Variants in SMC3 observed in about 807,000 individuals in gnomAD.
SMC3 encodes the protein structural maintenance of chromosomes protein 3.
Under a neutral mutation model 171.8 loss-of-function variants are expected in SMC3, and 20 were observed. The ratio of observed to expected loss-of-function variants is 0.12; its 90% CI spans 0.08 to 0.17. SMC3 has a LOEUF of 0.17. Ranked by LOEUF, SMC3 falls within the 10% of genes least tolerant of loss-of-function variation. The probability of loss-of-function intolerance (pLI) is 1.00; values close to 1 mark genes in which losing one functional copy is unlikely to be tolerated. For synonymous variants in SMC3, 464 were observed against 451.1 expected (o/e 1.03, Z -0.36); for missense variants, 543 against 1,420.4 (o/e 0.38, Z 9.93).
intron 13 of SMC3, among the ~76,000 whole-genome samples, chr10:110,587,689 GAA>G (rs34378467): frequency 0.16 from 15,277 of 94,266 alleles, 935 homozygotes; most frequent in East Asian, 0.35. Context: ...CCGTCTCAAA[GAA>G]AAAAAAAAAA....
intron 2 of SMC3, among the ~76,000 whole-genome samples, chr10:110,569,638 AAATC>A (rs1472914152): frequency 6.6e-6 from 1 of 152,220 alleles, no homozygotes; most frequent in Non-Finnish European, 1.5e-5. Flanking sequence ...ACGAAAAAAA[AAATC>A]CCAGTTGTGG....
intron 20 of SMC3, 120 bp downstream of exon 20, chr10:110,598,410 CT>C (rs36039586): frequency 0.03 from 24,267 of 821,104 alleles, 1 homozygote; most frequent in Non-Finnish European, 0.033. Context: ...TGGACCCATA[CT>C]TTTTTTTTTT....
At chr10:110,574,336 C>A (rs1463793408) in intron 3 of SMC3, among the ~76,000 whole-genome samples, 1 of 152,110 alleles carries the variant, frequency 6.6e-6, no homozygotes, top group Non-Finnish European at 1.5e-5. Context: ...AATAGCAATG[C>A]GTCTGTTAAC....
chr10:110,605,001 T>C lies in SMC3; in HGVS notation c.*699T>C, dbSNP rs1861446939. On this transcript the variant is annotated 3_prime_UTR_variant, in exon 29 of 29. Coordinates refer to ENST00000361804, the MANE Select transcript of SMC3 (RefSeq NM_005445.4). Reference sequence around the variant, plus strand: ...ACAATTTCTCTGTCATTGTTTATCATATCTTGACAATTTTGAATAATATTC... The same window carrying C: ...ACAATTTCTCTGTCATTGTTTATCACATCTTGACAATTTTGAATAATATTC... 6.6e-6 allele frequency among the ~76,000 whole-genome samples: 1 copy of C among 152,244 alleles called. No homozygotes were observed. Among genetic ancestry groups the C allele is most frequent in the South Asian group, 2.1e-4 (1 of 4,836 alleles).
At position 110,567,734 on chromosome 10, in the gene SMC3, T is replaced by G. The variant is rs1415007806; in HGVS notation, c.-83T>G. The stretch of plus-strand genomic sequence containing the variant: ...AGCGAGCGGCGCTTTGGGGGAGGGG[T>G]CGCGTAGGCGCCTCACCTGACCCTG... On this transcript the variant is annotated 5_prime_UTR_variant, in exon 1 of 29. Coordinates refer to ENST00000361804, the MANE Select transcript of SMC3 (RefSeq NM_005445.4). The G allele has an allele frequency of 1.9e-6, 3 of 1,541,898 alleles. No individual in the cohort carries two copies. The highest frequency in any genetic ancestry group is 2.7e-5 in the African/African-American group (2 of 73,450).
intron 18 of SMC3, 109 bp from the exon 19 acceptor site, chr10:110,596,289 T>G: frequency 9.5e-7 from 1 of 1,053,720 alleles, no homozygotes; most frequent in African/African-American, 1.6e-5. Context: ...TAAATTACTT[T>G]CAATTCTCAT....
chr10:110,600,930 T>C, intron 22 of SMC3, 92 bp from the exon 23 acceptor site: 2 of 871,684 alleles, frequency 2.3e-6, no homozygotes, highest in Non-Finnish European at 3.9e-6. Context: ...TATATTTTTT[T>C]GTTTTCTTGA....
chr10:110,572,086 T>G (rs1315443458), intron 2 of SMC3, among the ~76,000 whole-genome samples: 1 of 152,206 alleles, frequency 6.6e-6, no homozygotes, highest in African/African-American at 2.4e-5. Context: ...ATTTCCCCAA[T>G]AAGAACTGTT....
intron 4 of SMC3, 59 bp from the exon 5 acceptor site, chr10:110,577,362 C>T (rs1860967761): frequency 7.7e-7 from 1 of 1,292,014 alleles, no homozygotes; most frequent in Non-Finnish European, 1.1e-6. Flanking sequence ...TTTAAGAATC[C>T]TTTAAAGGAT....
intron 13 of SMC3, among the ~76,000 whole-genome samples, chr10:110,588,265 C>G (rs1028896544): frequency 6.6e-6 from 1 of 152,204 alleles, no homozygotes; most frequent in Admixed American, 6.5e-5. Context: ...GCTGGGATTA[C>G]AGGTGTGAGC....
intron 7 of SMC3, among the ~76,000 whole-genome samples, chr10:110,580,134 TAATC>T (rs1861010150): frequency 6.6e-6 from 1 of 152,194 alleles, no homozygotes; most frequent in South Asian, 2.1e-4. Context: ...TTATTATAAT[TAATC>T]TAGATATTAA....
At chr10:110,603,375 A>G (rs1861416699) in intron 28 of SMC3, 85 bp downstream of exon 28, 3 of 872,754 alleles carry the variant, frequency 3.4e-6, no homozygotes, top group Non-Finnish European at 5.5e-6. Context: ...TAAATAGTGA[A>G]AGAAAACTTA....
At chr10:110,603,520 G>A (rs1190144943) in intron 28 of SMC3, among the ~76,000 whole-genome samples, 1 of 152,134 alleles carries the variant, frequency 6.6e-6, no homozygotes, top group Non-Finnish European at 1.5e-5. Flanking sequence ...TTTCTGTCCA[G>A]TCTATTCAAT....
rs569206678 is a variant in SMC3, at chr10:110,599,705, A to G, written c.2320A>G (p.Arg774Gly). ...AAGCTTGCATGCTATGGAGTCTACCAGAGAGTCATTGAAAGCAGAACTGGG... is the reference window on the plus strand; with the variant it reads ...AAGCTTGCATGCTATGGAGTCTACCGGAGAGTCATTGAAAGCAGAACTGGG... ...EASLHAMEST[R>G]ESLKAELGTD... The change falls in exon 21 of 29, where the codon AGA (arginine) becomes GGA (glycine). Residue 774 changes from arginine (R) to glycine (G), a missense_variant. By Grantham distance (125) the Arg-to-Gly change is moderately radical (BLOSUM62 -2). Transcript: ENST00000361804. The G allele has an allele frequency of 2.5e-6, 4 of 1,614,180 alleles. No individual in the cohort carries two copies. The highest frequency in any genetic ancestry group is 1.1e-5 in the South Asian group (1 of 91,086).
chr10:110,590,292 G>C, intron 15 of SMC3, 120 bp from the exon 16 acceptor site: 1 of 841,076 alleles, frequency 1.2e-6, no homozygotes, highest in Non-Finnish European at 2.0e-6. Flanking sequence ...GTTTGTTGGA[G>C]AGGATGTTTA....
At chr10:110,573,037 A>G (rs891898646) in intron 2 of SMC3, among the ~76,000 whole-genome samples, 12 of 151,998 alleles carry the variant, frequency 7.9e-5, no homozygotes, top group African/African-American at 2.9e-4. Flanking sequence ...TCTTTTTGAG[A>G]TTTACTTTGC....
In SMC3 at chr10:110,602,055, C is replaced by G. The variant is rs201308737; in HGVS notation, c.2982C>G (p.Ser994=). 5.6e-5 allele frequency: 91 copies of G among 1,613,584 alleles called. No homozygotes were observed. Among genetic ancestry groups the G allele is most frequent in the Non-Finnish European group, 7.1e-5 (84 of 1,179,794 alleles). The change falls in exon 25 of 29, where the codon TCC becomes TCG. Residue 994 remains serine (S), a synonymous_variant. Coordinates refer to ENST00000361804, the MANE Select transcript of SMC3 (RefSeq NM_005445.4). ...CTTTGGATCAGTTTGTAAATTTCTC[C>G]GAGCAGAAAGAAAAGTTAATAAAGC... is the stretch of plus-strand genomic sequence containing the variant. ...KKALDQFVNF[S]EQKEKLIKRQ...
chr10:110,599,042 T>TAA (rs538467688), intron 20 of SMC3, among the ~76,000 whole-genome samples: 12,428 of 140,850 alleles, frequency 0.088, 680 homozygotes, highest in East Asian at 0.26. Context: ...ACAAAGAGCT[T>TAA]AAAAAAAAAA....
At chr10:110,598,359 A>T in intron 20 of SMC3, 69 bp downstream of exon 20, 1 of 1,437,276 alleles carries the variant, frequency 7.0e-7, no homozygotes, top group South Asian at 1.1e-5. Context: ...TGAATCATAC[A>T]TTATATGGGT....
Sources: allele counts gnomAD v4.1 joint callset (sites outside exome capture counted in the v4.1 genomes callset), GRCh38; gene constraint gnomAD v4.1.1; transcripts MANE v1.5; gene names NCBI Gene and HGNC (gene_info 2026-07-23, HGNC 2026-07-21).